Variants in SASH1 observed in about 807,000 individuals in gnomAD.
SASH1 encodes the protein SAM and SH3 domain containing 1.
A neutral mutation model predicts 125.2 loss-of-function variants in SASH1; 44 were observed. That is an observed-to-expected ratio of 0.35 (90% CI 0.28 to 0.45). The LOEUF (loss-of-function observed/expected upper bound fraction) is 0.45. SASH1 is among the 20% of genes least tolerant of loss of function. The pLI is 1.00. For synonymous variants in SASH1, 639 were observed against 649.1 expected (o/e 0.98, Z 0.24); for missense variants, 1,426 against 1,614.5 (o/e 0.88, Z 2.00).
At chr6:148,443,248 G>A (rs1776623036) in intron 4 of SASH1, among the ~76,000 whole-genome samples, 1 of 150,748 alleles carries the variant, frequency 6.6e-6, no homozygotes, top group Admixed American at 6.6e-5. Context: ...GTGTAAGCTA[G>A]TTGTTTGATG....
chr6:148,393,744 G>A (rs1197023869), intron 2 of SASH1: 1 of 985,146 alleles, frequency 1.0e-6, no homozygotes, highest in African/African-American at 1.7e-5. Flanking sequence ...AGCTTAATTA[G>A]TTCCCATCAA....
intron 6 of SASH1, among the ~76,000 whole-genome samples, chr6:148,472,801 C>T (rs964708392): frequency 6.6e-6 from 1 of 152,146 alleles, no homozygotes; most frequent in Non-Finnish European, 1.5e-5. Flanking sequence ...TACAAGTCTA[C>T]AGGCAGACTC....
chr6:148,414,433 T>C (rs919838476), intron 2 of SASH1, among the ~76,000 whole-genome samples: 2 of 152,098 alleles, frequency 1.3e-5, no homozygotes, highest in Admixed American at 6.5e-5. Context: ...GCTATGTGAT[T>C]ATGAGCAAGT....
At chr6:148,471,719 A>G (rs1778128155) in intron 6 of SASH1, among the ~76,000 whole-genome samples, 1 of 152,192 alleles carries the variant, frequency 6.6e-6, no homozygotes, top group Non-Finnish European at 1.5e-5. Flanking sequence ...GGACAAGTTC[A>G]CAGTTCTTTC....
At chr6:148,457,118 G>C (rs1342029745) in intron 4 of SASH1, among the ~76,000 whole-genome samples, 1 of 149,028 alleles carries the variant, frequency 6.7e-6, no homozygotes, top group Non-Finnish European at 1.5e-5. Context: ...TAAAATGAAG[G>C]CATTTGTTTT....
intron 2 of SASH1, among the ~76,000 whole-genome samples, chr6:148,399,786 T>C (rs904198397): frequency 5.9e-5 from 9 of 151,912 alleles, no homozygotes; most frequent in African/African-American, 2.2e-4. Context: ...GTATCCAGGG[T>C]TTGGCCAGGG....
intron 17 of SASH1, among the ~76,000 whole-genome samples, chr6:148,540,903 G>A (rs1381688046): frequency 6.6e-6 from 1 of 152,180 alleles, no homozygotes; most frequent in Non-Finnish European, 1.5e-5. Flanking sequence ...CATACCAGCA[G>A]CAGTGTCTTA....
chr6:148,489,511 G>T (rs184093455), intron 8 of SASH1, among the ~76,000 whole-genome samples: 1 of 151,994 alleles, frequency 6.6e-6, no homozygotes, highest in African/African-American at 2.4e-5. Flanking sequence ...AAAATATATC[G>T]TTGGGATATT....
chr6:148,544,480 C>T lies in SASH1; in HGVS notation c.3010C>T (p.Pro1004Ser). 1 of 1,614,066 alleles carries T rather than the reference C, an allele frequency of 6.2e-7. No individual in the cohort carries two copies. Among genetic ancestry groups the T allele is most frequent in the Non-Finnish European group, 8.5e-7 (1 of 1,180,044 alleles). ...CCTTGCTAACGGACTCCACCCTGTT[C>T]CCATGGGCCCCAGTGGGGCCCTCCC... ...ERLANGLHPV[P>S]MGPSGALPSP... The change falls in exon 18 of 20, where the codon CCC becomes TCC. Residue 1004 changes from proline (P) to serine (S), a missense_variant. Transcript: ENST00000367467. The surrounding 1 kb of genome is among the most constrained non-coding windows in gnomAD (Gnocchi z 6.4).
chr6:148,454,688 G>A (rs140109160), intron 4 of SASH1, among the ~76,000 whole-genome samples: 55 of 152,270 alleles, frequency 3.6e-4, no homozygotes, highest in African/African-American at 1.0e-3. Context: ...TATTTTAGAC[G>A]GGCCACTGTC....
At chr6:148,427,611 A>C (rs1775881968) in intron 2 of SASH1, among the ~76,000 whole-genome samples, 1 of 152,194 alleles carries the variant, frequency 6.6e-6, no homozygotes, top group Non-Finnish European at 1.5e-5. Flanking sequence ...AGTTTTAAAC[A>C]AAGACAGTTT....
At chr6:148,406,540 G>C (rs1784381174) in intron 2 of SASH1, among the ~76,000 whole-genome samples, 1 of 152,198 alleles carries the variant, frequency 6.6e-6, no homozygotes, top group Non-Finnish European at 1.5e-5. Flanking sequence ...AACAGCTTGT[G>C]GGGGATCATG....
intron 1 of SASH1, among the ~76,000 whole-genome samples, chr6:148,370,136 T>A (rs1433661743): frequency 6.6e-6 from 1 of 152,152 alleles, no homozygotes; most frequent in African/African-American, 2.4e-5. Context: ...GAAGGATAGA[T>A]CAAGTGAAAG....
chr6:148,349,376 G>T (rs1781639459), intron 1 of SASH1, among the ~76,000 whole-genome samples: 1 of 142,206 alleles, frequency 7.0e-6, no homozygotes, highest in Non-Finnish European at 1.5e-5. Context: ...CAATTCTCCT[G>T]CCTCAGCCTC....
intron 9 of SASH1, among the ~76,000 whole-genome samples, chr6:148,518,739 G>A (rs1780619239): frequency 1.3e-5 from 2 of 152,224 alleles, no homozygotes; most frequent in South Asian, 2.1e-4. Flanking sequence ...TAACACATGC[G>A]GAAAAGAACT....
Position 148,534,890 on chromosome 6 carries a change from A to AAGAGT in SASH1, c.2086_2090dup (p.Tyr697Ter), listed in dbSNP as rs1781747852. 6.2e-7 allele frequency: 1 copy of AAGAGT among 1,613,974 alleles called. No homozygotes were observed. The highest frequency in any genetic ancestry group is 8.5e-7 in the Non-Finnish European group (1 of 1,179,956). ...CTCTTGACAGCAGTGGAGCTGTTAC[A>AAGAGT]AGAGTATGACAGTAAGTCCCTGTAT... is the stretch of plus-strand genomic sequence containing the variant. On this transcript the variant is annotated frameshift_variant, in exon 16 of 20. Coordinates refer to ENST00000367467, the MANE Select transcript of SASH1 (RefSeq NM_015278.5). LOFTEE classifies it high-confidence loss of function.
At chr6:148,318,630 G>C (rs1224859904) in intron 1 of SASH1, among the ~76,000 whole-genome samples, 1 of 128,810 alleles carries the variant, frequency 7.8e-6, no homozygotes, top group Non-Finnish European at 1.7e-5. Context: ...TTGGCTCACT[G>C]CAAGCTCCGC....
At chr6:148,347,284 C>T (rs577311689) in intron 1 of SASH1, among the ~76,000 whole-genome samples, 2 of 152,114 alleles carry the variant, frequency 1.3e-5, no homozygotes, top group Non-Finnish European at 2.9e-5. Context: ...AGATGCACCT[C>T]CCCCAAACCT....
intron 2 of SASH1, among the ~76,000 whole-genome samples, chr6:148,397,109 G>A (rs1783988485): frequency 6.6e-6 from 1 of 151,964 alleles, no homozygotes; most frequent in South Asian, 2.1e-4. Context: ...CCTGTTTCCC[G>A]GCGTCCACAG....
Sources: gnomAD v4.1 joint callset for allele counts (sites outside exome capture counted in the v4.1 genomes callset) on GRCh38, gnomAD v4.1.1 for gene constraint, Gnocchi (gnomAD v3.1) non-coding constraint, MANE v1.5 for transcripts, NCBI Gene and HGNC (gene_info 2026-07-23, HGNC 2026-07-21) for gene names.